The following MRRF variants were observed in gnomAD, a reference collection of about 807,000 sequenced individuals.
MRRF encodes ribosome-recycling factor, mitochondrial.
MRRF carries 18 observed loss-of-function variants against 25.1 expected under a neutral mutation model. The observed-to-expected ratio is 0.72, with a 90% confidence interval of 0.50 to 1.06. The LOEUF (loss-of-function observed/expected upper bound fraction) is 1.06. Ranked by LOEUF, MRRF falls within the 50% of genes least tolerant of loss-of-function variation. MRRF has a pLI of 0.00. For missense variants in MRRF, 323 were observed against 319.3 expected, an observed-to-expected ratio of 1.01 and a Z score of -0.09; for synonymous variants, 113 against 112.1, an observed-to-expected ratio of 1.01 and a Z score of -0.05.
chr9:122,293,006 A>G (rs974154710), intron 5 of MRRF, among the ~76,000 whole-genome samples: 1 of 152,176 alleles, frequency 6.6e-6, no homozygotes, highest in Non-Finnish European at 1.5e-5. Flanking sequence ...CAAAACAAAC[A>G]ACAAAAAGTC....
Position 122,322,695 on chromosome 9 carries a change from C to A in MRRF, c.*78C>A. 1 of 1,259,794 alleles carries A rather than the reference C, an allele frequency of 7.9e-7. No homozygotes were observed. The highest frequency in any genetic ancestry group is 1.2e-5 in the South Asian group (1 of 81,238). The allele number at this position is 1,259,794 out of a possible 1,614,324, so 78.0% of individuals were successfully genotyped here. On this transcript the variant is annotated 3_prime_UTR_variant, in exon 7 of 7. Transcript: ENST00000344641. ...GGGTGGCACATTGGGACTTCTCTCCCTCCCCCATCTACACAGAAGACTGTC... is the reference window on the plus strand; with the variant it reads ...GGGTGGCACATTGGGACTTCTCTCCATCCCCCATCTACACAGAAGACTGTC...
At chr9:122,267,479 T>C (rs545999495) in intron 1 of MRRF, among the ~76,000 whole-genome samples, 1 of 152,272 alleles carries the variant, frequency 6.6e-6, no homozygotes, top group East Asian at 1.9e-4. Flanking sequence ...TGTGTGTATG[T>C]GTTTTGTTAA....
intron 5 of MRRF, among the ~76,000 whole-genome samples, chr9:122,305,410 CAAAAAAAA>C (rs371802454): frequency 1.5e-5 from 1 of 65,756 alleles, no homozygotes; most frequent in Non-Finnish European, 3.1e-5. Flanking sequence ...AGACTCATCT[CAAAAAAAA>C]AAAAAAAAAA....
rs1023961725 is a variant in MRRF at position 122,323,368 on chromosome 9, G to A, written c.*751G>A. 14 of 152,738 alleles carry A rather than the reference G, an allele frequency of 9.2e-5. No homozygotes were observed. The highest frequency in any genetic ancestry group is 3.4e-4 in the African/African-American group (14 of 41,438). 9.5% of individuals were successfully genotyped at this position (152,738 alleles called of 1,614,324 possible). A position where few individuals can be genotyped will look rare whatever the true frequency, so the allele number is the denominator to read the frequency against. On this transcript the variant is annotated 3_prime_UTR_variant, in exon 7 of 7. Coordinates refer to ENST00000344641, the MANE Select transcript of MRRF (RefSeq NM_138777.5). ...TAAGTATTCTTGTTGCACTTAATTA[G>A]CCTGTATATCCTCAGAACTTTGTGT...
chr9:122,312,503 A>G (rs910471827), intron 5 of MRRF, among the ~76,000 whole-genome samples: 4 of 152,212 alleles, frequency 2.6e-5, no homozygotes, highest in African/African-American at 9.7e-5. Flanking sequence ...CACACTGAAC[A>G]TGTACCCAGA....
intron 4 of MRRF, among the ~76,000 whole-genome samples, chr9:122,287,503 T>C (rs965306253): frequency 3.3e-5 from 5 of 152,036 alleles, no homozygotes; most frequent in African/African-American, 1.2e-4. Flanking sequence ...TGTGGGCCAA[T>C]TTAGGGAATA....
At chr9:122,265,555 C>T (rs1832012956) in intron 1 of MRRF, 1 of 354,594 alleles carries the variant, frequency 2.8e-6, no homozygotes, top group Non-Finnish European at 5.5e-6. Context: ...AGTTTAGTGC[C>T]TTTATTTTGT....
At chr9:122,322,259 A>T (rs1334995696) in intron 6 of MRRF, among the ~76,000 whole-genome samples, 1 of 152,024 alleles carries the variant, frequency 6.6e-6, no homozygotes, top group Non-Finnish European at 1.5e-5. Flanking sequence ...GCTACTCGGG[A>T]GGCTGAGGCA....
chr9:122,316,342 AT>A (rs1224890899), intron 6 of MRRF, among the ~76,000 whole-genome samples: 1 of 151,734 alleles, frequency 6.6e-6, no homozygotes, highest in Admixed American at 6.6e-5. Flanking sequence ...TGCCCTGCTA[AT>A]TTTTTTATTT....
intron 3 of MRRF, among the ~76,000 whole-genome samples, chr9:122,281,432 C>T (rs550416904): frequency 2.0e-5 from 3 of 152,246 alleles, no homozygotes; most frequent in Middle Eastern, 3.4e-3. Flanking sequence ...CTTAAGAAAA[C>T]CAAGTGAAAA....
At chr9:122,286,189 A>T in intron 4 of MRRF, 5 of 1,288,456 alleles carry the variant, frequency 3.9e-6, no homozygotes, top group Non-Finnish European at 5.1e-6. Context: ...TCCTGTTCTT[A>T]TTGTCTATTT....
chr9:122,304,491 C>T (rs1200671572), intron 5 of MRRF, among the ~76,000 whole-genome samples: 7 of 152,168 alleles, frequency 4.6e-5, no homozygotes, highest in East Asian at 3.9e-4. Flanking sequence ...GAATCGAAAG[C>T]GTAGGATAGG....
At chr9:122,289,568 TTCTC>T (rs1435969423) in intron 4 of MRRF, among the ~76,000 whole-genome samples, 2 of 152,018 alleles carry the variant, frequency 1.3e-5, no homozygotes, top group Admixed American at 6.6e-5. Context: ...ACAATGGAGA[TTCTC>T]TCTTTATTGT....
At chr9:122,287,255 A>G (rs975454931) in intron 4 of MRRF, among the ~76,000 whole-genome samples, 1 of 152,182 alleles carries the variant, frequency 6.6e-6, no homozygotes, top group African/African-American at 2.4e-5. Flanking sequence ...GAATGTAGGA[A>G]TGTCTAATTT....
chr9:122,305,299 T>C (rs754120888), intron 5 of MRRF, among the ~76,000 whole-genome samples: 3 of 150,902 alleles, frequency 2.0e-5, no homozygotes, highest in Non-Finnish European at 4.4e-5. Flanking sequence ...TAGTCCCAGC[T>C]ACTCAGGAGG....
intron 2 of MRRF, among the ~76,000 whole-genome samples, chr9:122,277,369 A>G (rs1832838554): frequency 6.6e-6 from 1 of 152,186 alleles, no homozygotes; most frequent in Non-Finnish European, 1.5e-5. Context: ...TGCCAGGCTT[A>G]TAATTTTTCC....
At chr9:122,310,711 A>G (rs1348344559) in intron 5 of MRRF, among the ~76,000 whole-genome samples, 1 of 152,288 alleles carries the variant, frequency 6.6e-6, no homozygotes, top group Non-Finnish European at 1.5e-5. Flanking sequence ...ACTGGCACAG[A>G]GCGTAGGAGG....
intron 3 of MRRF, among the ~76,000 whole-genome samples, chr9:122,281,455 T>G (rs1833089040): frequency 6.6e-6 from 1 of 152,184 alleles, no homozygotes; most frequent in Admixed American, 6.5e-5. Flanking sequence ...ACAGCTCCAC[T>G]TATAAACACT....
chr9:122,319,426 A>G (rs1441620643), intron 6 of MRRF, among the ~76,000 whole-genome samples: 7 of 152,184 alleles, frequency 4.6e-5, no homozygotes, highest in Admixed American at 3.9e-4. Flanking sequence ...CTGGGATTAC[A>G]ACCACTGACT....
Sources: allele counts gnomAD v4.1 joint callset (sites outside exome capture counted in the v4.1 genomes callset), GRCh38; gene constraint gnomAD v4.1.1; transcripts MANE v1.5; gene names NCBI Gene and HGNC (gene_info 2026-07-23, HGNC 2026-07-21).